NOS1AP: variants seen among roughly 807,000 people sequenced by gnomAD.
The protein encoded by NOS1AP is carboxyl-terminal PDZ ligand of neuronal nitric oxide synthase protein.
In NOS1AP, 21 loss-of-function variants were observed where a neutral mutation model predicts 56.2. The ratio of observed to expected loss-of-function variants is 0.37; its 90% CI spans 0.26 to 0.54. The LOEUF (loss-of-function observed/expected upper bound fraction) is 0.54, where lower values mean the gene tolerates loss of function less well. NOS1AP is among the 20% of genes least tolerant of loss of function. NOS1AP has a pLI of 0.84. For synonymous variants in NOS1AP, 270 were observed against 274.6 expected (o/e 0.98, Z 0.17); for missense variants, 522 against 657.8 (o/e 0.79, Z 2.26).
chr1:162,307,967 A>G (rs987667993), intron 4 of NOS1AP, among the ~76,000 whole-genome samples: 3 of 152,212 alleles, frequency 2.0e-5, no homozygotes, highest in African/African-American at 7.2e-5. Context: ...TTTGTTGTTC[A>G]TTGTGCTAGG....
intron 2 of NOS1AP, among the ~76,000 whole-genome samples, chr1:162,233,583 C>T (rs1653195804): frequency 6.6e-6 from 1 of 152,128 alleles, no homozygotes; most frequent in Non-Finnish European, 1.5e-5. Flanking sequence ...AAGAAGAAAC[C>T]CTATACCCAA....
intron 1 of NOS1AP, among the ~76,000 whole-genome samples, chr1:162,150,354 A>T (rs1222415036): frequency 6.6e-6 from 1 of 151,980 alleles, no homozygotes; most frequent in Non-Finnish European, 1.5e-5. Context: ...CATTTTCTTT[A>T]TCCATTTGTC....
In NOS1AP at chr1:162,365,072, A is replaced by G. The variant is rs1810127; in HGVS notation, c.940-332A>G. 2,647 of 1,270,830 alleles carry G rather than the reference A, an allele frequency of 2.1e-3. 114 individuals are homozygous for G. In the Admixed American group the frequency reaches 0.073, roughly 35 times the overall value. 78.7% of individuals were successfully genotyped at this position (1,270,830 alleles called of 1,614,324 possible). On this transcript the variant is annotated intron_variant, in intron 8 of 9. Coordinates refer to ENST00000361897, the MANE Select transcript of NOS1AP (RefSeq NM_014697.3). The stretch of plus-strand genomic sequence containing the variant: ...TGGAGCACCGTGCGTGTGTGTGTGT[A>G]TATGTGCACGTGTGTGTGTACGTGT...
At chr1:162,339,695 A>C (rs1657047156) in intron 5 of NOS1AP, among the ~76,000 whole-genome samples, 1 of 152,198 alleles carries the variant, frequency 6.6e-6, no homozygotes, top group South Asian at 2.1e-4. Flanking sequence ...TTAATGATAA[A>C]ATCCCAGCGT....
chr1:162,084,129 C>A (rs1175425073), intron 1 of NOS1AP, among the ~76,000 whole-genome samples: 3 of 152,160 alleles, frequency 2.0e-5, no homozygotes, highest in African/African-American at 7.2e-5. Context: ...TGCTTTAAGA[C>A]CCATGTCAGG....
chr1:162,176,910 T>A (rs1035049583), intron 2 of NOS1AP, among the ~76,000 whole-genome samples: 6 of 152,244 alleles, frequency 3.9e-5, no homozygotes, highest in Non-Finnish European at 8.8e-5. Context: ...CGAATAAAGC[T>A]GCTATAGCGA....
Position 162,149,831 on chromosome 1 carries a change from T to A in NOS1AP, c.106-4574T>A, listed in dbSNP as rs183155735. ...TTGTAATTTATTTTATTTTAAAAAA[T>A]TTATTTTCAATTTTTGTGGGTACAT... On this transcript the variant is annotated intron_variant, in intron 1 of 9. Transcript: ENST00000361897. 9.2e-5 allele frequency among the ~76,000 whole-genome samples: 14 copies of A among 152,364 alleles called. No homozygotes were observed. The East Asian group carries it at 2.7e-3, about 29-fold the overall frequency.
chr1:162,126,963 T>G (rs922852727), intron 1 of NOS1AP, among the ~76,000 whole-genome samples: 2 of 152,206 alleles, frequency 1.3e-5, no homozygotes, highest in African/African-American at 4.8e-5. Flanking sequence ...CAAACTTGGA[T>G]TTTTACTTAT....
At chr1:162,120,066 GCATATGTATATGGTATATA>G (rs1168581430) in intron 1 of NOS1AP, among the ~76,000 whole-genome samples, 35 of 118,938 alleles carry the variant, frequency 2.9e-4, no homozygotes, top group African/African-American at 9.5e-4. Flanking sequence ...ATATGTATAT[GCATATGTATATGGTATATA>G]CATATGTATA....
intron 1 of NOS1AP, among the ~76,000 whole-genome samples, chr1:162,139,995 T>A (rs1205578313): frequency 1.3e-5 from 2 of 152,120 alleles, no homozygotes; most frequent in Non-Finnish European, 2.9e-5. Context: ...ACGCAGCTAA[T>A]TTTTTGTATT....
chr1:162,352,273 T>G (rs974069449), intron 6 of NOS1AP, among the ~76,000 whole-genome samples: 15 of 152,012 alleles, frequency 9.9e-5, no homozygotes, highest in Non-Finnish European at 1.8e-4. Flanking sequence ...TGGCCAGGCT[T>G]GTCCCAAACT....
At chr1:162,184,282 A>G (rs900301006) in intron 2 of NOS1AP, among the ~76,000 whole-genome samples, 8 of 152,208 alleles carry the variant, frequency 5.3e-5, no homozygotes, top group African/African-American at 1.7e-4. Flanking sequence ...AAAAATTACA[A>G]TAGTAACAAT....
Position 162,343,946 on chromosome 1 carries a change from G to C in NOS1AP, c.565G>C (p.Glu189Gln). The change falls in exon 6 of 10, where the codon GAG (glutamate) becomes CAG (glutamine). Residue 189 changes from glutamate to glutamine, a missense_variant. Transcript: ENST00000361897. ...NADGQEDGESERNSNSSGDPG... is the reference protein window; with the variant it reads ...NADGQEDGESQRNSNSSGDPG... ...AGATGGCCAGGAAGATGGAGAGAGCGAGAGGAACAGCAACAGCTCAGGAGA... is the reference window on the plus strand; with the variant it reads ...AGATGGCCAGGAAGATGGAGAGAGCCAGAGGAACAGCAACAGCTCAGGAGA... 1 of 1,614,142 alleles carries C rather than the reference G, an allele frequency of 6.2e-7. No homozygotes were observed. Among genetic ancestry groups the C allele is most frequent in the Non-Finnish European group, 8.5e-7 (1 of 1,180,010 alleles).
chr1:162,306,138 G>T (rs942561920), intron 4 of NOS1AP, among the ~76,000 whole-genome samples: 5 of 152,154 alleles, frequency 3.3e-5, no homozygotes, highest in Non-Finnish European at 7.3e-5. Context: ...ACCCTGGTGT[G>T]GGTTATGAGT....
chr1:162,263,689 G>T (rs567295859), intron 2 of NOS1AP, among the ~76,000 whole-genome samples: 2 of 152,176 alleles, frequency 1.3e-5, no homozygotes, highest in East Asian at 3.9e-4. Context: ...CAGAATTTCT[G>T]TTTCTGGCTT....
chr1:162,317,624 C>T (rs1215793806), intron 4 of NOS1AP: 1 of 152,158 alleles, frequency 6.6e-6, no homozygotes, highest in Non-Finnish European at 1.5e-5. Context: ...GCTAGGCCTC[C>T]CCACCCTTCC....
rs35946766 is a variant in NOS1AP, at chr1:162,324,416, C to CTTTTTTTTTTTTTTTTTTTTTTTTT, written c.345-8597_345-8573dup. ...TAGTGGTTTTGTGAGGGACACTAGC[C>CTTTTTTTTTTTTTTTTTTTTTTTTT]TTTTTTTTTTTTTTTTTTTTTTTTT... is the stretch of plus-strand genomic sequence containing the variant. On this transcript the variant is annotated intron_variant, in intron 4 of 9. Coordinates refer to ENST00000361897, the MANE Select transcript of NOS1AP (RefSeq NM_014697.3). 1.2e-4 allele frequency among the ~76,000 whole-genome samples: 9 copies of CTTTTTTTTTTTTTTTTTTTTTTTTT among 72,172 alleles called. 3 individuals carry two copies. Among genetic ancestry groups the CTTTTTTTTTTTTTTTTTTTTTTTTT allele is most frequent in the Non-Finnish European group, 2.2e-4 (8 of 36,156 alleles). 47.3% of individuals were successfully genotyped at this position (72,172 alleles called of 152,430 possible). A position where few individuals can be genotyped will look rare whatever the true frequency, so the allele number is the denominator to read the frequency against.
intron 2 of NOS1AP, among the ~76,000 whole-genome samples, chr1:162,155,373 G>T (rs145535362): frequency 0.014 from 597 of 41,284 alleles, 2 homozygotes; most frequent in African/African-American, 0.045. Flanking sequence ...TATATATATA[G>T]AGAGAGAGCT....
rs918081346 is a variant in NOS1AP, at chr1:162,220,378, A to C, written c.177+65902A>C. 1.3e-4 allele frequency among the ~76,000 whole-genome samples: 20 copies of C among 152,072 alleles called. 1 individual carries two copies. Among genetic ancestry groups the C allele is most frequent in the African/African-American group, 4.8e-4 (20 of 41,396 alleles). ...TCGGTTGCTGCCACAGAGAGCAAAC[A>C]TTTTAGTGGGAGAGGGAGGTAGATG... On this transcript the variant is annotated intron_variant, in intron 2 of 9. Coordinates refer to ENST00000361897, the MANE Select transcript of NOS1AP (RefSeq NM_014697.3).
Sources: allele counts gnomAD v4.1 joint callset (sites outside exome capture counted in the v4.1 genomes callset), GRCh38; gene constraint gnomAD v4.1.1; transcripts MANE v1.5; gene names NCBI Gene and HGNC (gene_info 2026-07-23, HGNC 2026-07-21).